The following PDK4 variants were observed in gnomAD, a reference collection of about 807,000 sequenced individuals.
PDK4 encodes the protein pyruvate dehydrogenase kinase 4.
Under a neutral mutation model 51.7 loss-of-function variants are expected in PDK4, and 43 were observed. That is an observed-to-expected ratio of 0.83 (90% CI 0.65 to 1.07). The LOEUF is 1.07. Among genes scored for constraint, PDK4 ranks in the 50% least tolerant of loss-of-function variants. PDK4 has a pLI of 0.00. For synonymous variants in PDK4, 170 were observed against 176.6 expected, an observed-to-expected ratio of 0.96 and a Z score of 0.30; for missense variants, 498 against 503.5, an observed-to-expected ratio of 0.99 and a Z score of 0.10.
At position 95,596,255 on chromosome 7, in the gene PDK4, CGA is replaced by C. The variant is rs922455731; in HGVS notation, c.37_38del (p.Ser13AlafsTer37). The C allele has an allele frequency of 8.2e-6, 13 of 1,590,902 alleles. No individual in the cohort carries two copies. In the African/African-American group the frequency reaches 1.8e-4, roughly 22 times the overall value. ...GGGGCACCAGGCCGGCGCCGTTGAG[CGA>C]GCCAGCGCTGCGCAGCACGAAGCGG... is the stretch of plus-strand genomic sequence containing the variant. ...AARFVLRSAG[S>X]LNGAGLVPRE... On this transcript the variant is annotated frameshift_variant, in exon 1 of 11. Transcript: ENST00000005178. LOFTEE classifies it high-confidence loss of function.
chr7:95,595,052 A>G lies in PDK4; in HGVS notation c.243T>C (p.Asn81=), dbSNP rs1376434166. 1 of 1,612,272 alleles carries G rather than the reference A, an allele frequency of 6.2e-7. No individual in the cohort carries two copies. The highest frequency in any genetic ancestry group is 8.5e-7 in the Non-Finnish European group (1 of 1,178,498). Residue 81 remains asparagine, a synonymous_variant, in exon 2 of 11, where the codon AAT becomes AAC. Coordinates refer to ENST00000005178, the MANE Select transcript of PDK4 (RefSeq NM_002612.4). The stretch of plus-strand genomic sequence containing the variant: ...TTTTAACCAATTGCACTGAAGAGGT[A>G]TTTACTAATTGGGTCGGGAGGATAT... The part of the protein sequence containing the change: ...EIDILPTQLV[N]TSSVQLVKSW...
rs865832303 is a variant in PDK4, at chr7:95,583,526, T to C, written c.*2115A>G. The C allele has an allele frequency of 6.6e-5, 10 of 152,276 alleles. 1 individual carries two copies. In the South Asian group the frequency reaches 1.2e-3, roughly 19 times the overall value. 9.4% of individuals were successfully genotyped at this position (152,276 alleles called of 1,614,324 possible). ...TTATCATCATAAAAAATATTTATTA[T>C]AAAAAATTATCACATTTCTCTGTAC... On this transcript the variant is annotated 3_prime_UTR_variant, in exon 11 of 11. Transcript: ENST00000005178.
chr7:95,594,688 T>C (rs1271114969), intron 2 of PDK4: 2 of 159,438 alleles, frequency 1.3e-5, no homozygotes, highest in East Asian at 1.7e-4. Context: ...TTTCTAGGCA[T>C]AGGATTTCTT....
Position 95,596,474 on chromosome 7 carries a change from C to CAG in PDK4, c.-183_-182dup, listed in dbSNP as rs1554358304. On this transcript the variant is annotated 5_prime_UTR_variant, in exon 1 of 11. Transcript: ENST00000005178. Reference sequence around the variant, plus strand: ...GGTGCCGCGGAGTGAAGAGTCTGGGCAGAGTCGGAGATGCAGTGGTTCGAG... The same window carrying CAG: ...GGTGCCGCGGAGTGAAGAGTCTGGGCAGAGAGTCGGAGATGCAGTGGTTCGAG... 0.15 allele frequency: 83,577 copies of CAG among 569,942 alleles called. 7,514 individuals carry two copies. The highest frequency in any genetic ancestry group is 0.31 in the African/African-American group (14,705 of 47,284). 35.3% of individuals were successfully genotyped at this position (569,942 alleles called of 1,614,324 possible). A position where few individuals can be genotyped will look rare whatever the true frequency, so the allele number is the denominator to read the frequency against.
chr7:95,593,720 T>C lies in PDK4; in HGVS notation c.323A>G (p.Asp108Gly), dbSNP rs1791580879. ...DLVEFHEKSP[D>G]DQKALSDFVD... ...TTACTCTGATAATGCTTTCTGGTCA[T>C]CTGGGCTTTTCTCATGGAATTCCAC... The change falls in exon 3 of 11, where the codon GAT becomes GGT. Residue 108 changes from aspartate to glycine, a missense_variant. Asp to Gly is a moderately conservative substitution (Grantham distance 94). Transcript: ENST00000005178. The C allele has an allele frequency of 1.9e-6, 3 of 1,550,428 alleles. No individual in the cohort carries two copies. Among genetic ancestry groups the C allele is most frequent in the South Asian group, 2.2e-5 (2 of 89,770 alleles).
rs771967689 is a variant in PDK4 at position 95,595,067 on chromosome 7, C to T, written c.228G>A (p.Pro76=). 15 of 1,611,896 alleles carry T rather than the reference C, an allele frequency of 9.3e-6. No individual in the cohort carries two copies. Among genetic ancestry groups the T allele is most frequent in the Admixed American group, 1.7e-5 (1 of 59,968 alleles). ...CTGAAGAGGTATTTACTAATTGGGT[C>T]GGGAGGATATCAATTTCCTTCAGAA... ...ANILKEIDIL[P]TQLVNTSSVQ... is the part of the protein sequence containing the mutation. Residue 76 remains proline, a synonymous_variant, in exon 2 of 11, where the codon CCG becomes CCA. Transcript: ENST00000005178.
rs56391840 is a variant in PDK4, at chr7:95,596,244, G to T, written c.50C>A (p.Ala17Asp). The change falls in exon 1 of 11, where the codon GCC becomes GAC. Residue 17 changes from alanine (A) to aspartate (D), a missense_variant. By Grantham distance (126) the Ala-to-Asp change is moderately radical (BLOSUM62 -2). Transcript: ENST00000005178. Reference protein sequence around the residue: ...VLRSAGSLNGAGLVPREVEHF... With the variant: ...VLRSAGSLNGDGLVPREVEHF... ...CTCCACCTCTCGGGGCACCAGGCCG[G>T]CGCCGTTGAGCGAGCCAGCGCTGCG... The T allele has an allele frequency of 1.3e-6, 2 of 1,595,770 alleles. No individual in the cohort carries two copies. Among genetic ancestry groups the T allele is most frequent in the African/African-American group, 1.4e-5 (1 of 73,758 alleles).
chr7:95,592,906 T>C lies in PDK4; in HGVS notation c.383A>G (p.His128Arg). The C allele has an allele frequency of 1.2e-6, 2 of 1,607,280 alleles. No individual in the cohort carries two copies. The highest frequency in any genetic ancestry group is 1.7e-6 in the Non-Finnish European group (2 of 1,176,354). Residue 128 changes from histidine (H) to arginine (R), a missense_variant, in exon 4 of 11, where the codon CAT (histidine) becomes CGT (arginine). His to Arg is a conservative substitution (Grantham distance 29). Transcript: ENST00000005178. ...TTGTGCCATTGTAGGGACTACATTA[T>C]GGTGTCTATTTCGAACTTTGATGAG... ...DTLIKVRNRH[H>R]NVVPTMAQGI...
chr7:95,586,418 C>T (rs1035984838), intron 10 of PDK4, among the ~76,000 whole-genome samples: 10 of 151,990 alleles, frequency 6.6e-5, no homozygotes, highest in African/African-American at 2.4e-4. Flanking sequence ...TGGTCTAGAA[C>T]CACTGAACTT....
intron 1 of PDK4, among the ~76,000 whole-genome samples, 168 bp from the exon 2 acceptor site, chr7:95,595,332 A>G (rs1167005732): frequency 6.6e-6 from 1 of 152,224 alleles, no homozygotes; most frequent in African/African-American, 2.4e-5. Flanking sequence ...TCCTTAATTG[A>G]CTAATTCCCT....
At chr7:95,594,906 C>T in intron 2 of PDK4, 117 bp downstream of exon 2, 1 of 570,684 alleles carries the variant, frequency 1.8e-6, no homozygotes. Flanking sequence ...TTACATCTTT[C>T]AAAAGTAGTT....
intron 7 of PDK4, among the ~76,000 whole-genome samples, chr7:95,588,168 G>A (rs1462281929): frequency 2.0e-5 from 3 of 151,970 alleles, no homozygotes; most frequent in Non-Finnish European, 2.9e-5. Flanking sequence ...TTTCTATTAC[G>A]TTTTACATCC....
In PDK4 at chr7:95,587,788, T is replaced by G. The variant is rs773695803; in HGVS notation, c.809A>C (p.Gln270Pro). Residue 270 changes from glutamine (Q) to proline (P), a missense_variant, in exon 8 of 11, where the codon CAG becomes CCG. Gln to Pro is a moderately conservative substitution (Grantham distance 76). Transcript: ENST00000005178. ...MRATVEHQENQPSLTPIEVIV... is the reference protein window; with the variant it reads ...MRATVEHQENPPSLTPIEVIV... ...AACCTCTATTGGTGTAAGGGAAGGCTGATTTTCCTGGTGTTCAACTGTTGC... is the reference window on the plus strand; with the variant it reads ...AACCTCTATTGGTGTAAGGGAAGGCGGATTTTCCTGGTGTTCAACTGTTGC... 2 of 1,613,490 alleles carry G rather than the reference T, an allele frequency of 1.2e-6. No individual in the cohort carries two copies. Among genetic ancestry groups the G allele is most frequent in the Non-Finnish European group, 1.7e-6 (2 of 1,179,536 alleles).
chr7:95,588,897 A>C (rs1791518386), intron 7 of PDK4, among the ~76,000 whole-genome samples: 2 of 152,228 alleles, frequency 1.3e-5, no homozygotes, highest in Admixed American at 6.5e-5. Flanking sequence ...TTAGAAATGC[A>C]CATTCTCAGA....
chr7:95,588,617 C>G (rs376080459), intron 7 of PDK4, among the ~76,000 whole-genome samples: 7 of 152,134 alleles, frequency 4.6e-5, no homozygotes, highest in African/African-American at 1.7e-4. Flanking sequence ...CAGTCAGTAC[C>G]TCACAGCAGT....
At chr7:95,592,404 G>T in intron 5 of PDK4, 107 bp downstream of exon 5, 1 of 720,838 alleles carries the variant, frequency 1.4e-6, no homozygotes, top group African/African-American at 1.8e-5. Context: ...AAAATAAATG[G>T]AACACTCTGT....
At position 95,592,045 on chromosome 7, in the gene PDK4, T is replaced by C; in HGVS notation, c.637A>G (p.Met213Val). The change falls in exon 6 of 11, where the codon ATG (methionine) becomes GTG (valine). Residue 213 changes from methionine (M) to valine (V), a missense_variant. Physicochemically the swap from Met to Val is conservative, Grantham distance 21 (BLOSUM62 1). Coordinates refer to ENST00000005178, the MANE Select transcript of PDK4 (RefSeq NM_002612.4). ...VVQDAFECSR[M>V]LCDQYYLSSP... ...GATAAATAATACTGATCACAGAGCATCCTTGAACACTCAAAGGCATCTGGA... is the reference window on the plus strand; with the variant it reads ...GATAAATAATACTGATCACAGAGCACCCTTGAACACTCAAAGGCATCTGGA... The C allele has an allele frequency of 6.3e-7, 1 of 1,585,474 alleles. No homozygotes were observed. Among genetic ancestry groups the C allele is most frequent in the African/African-American group, 1.4e-5 (1 of 73,522 alleles).
At chr7:95,592,203 A>T in intron 5 of PDK4, 138 bp from the exon 6 acceptor site, 1 of 446,272 alleles carries the variant, frequency 2.2e-6, no homozygotes, top group Non-Finnish European at 4.0e-6. Context: ...AATATATTTT[A>T]ATATTTTATT....
chr7:95,588,349 C>T (rs1466749761), intron 7 of PDK4, among the ~76,000 whole-genome samples: 2 of 152,170 alleles, frequency 1.3e-5, no homozygotes, highest in South Asian at 2.1e-4. Flanking sequence ...CCAATGATGG[C>T]AGAATAACTC....
Sources: allele counts gnomAD v4.1 joint callset (sites outside exome capture counted in the v4.1 genomes callset), GRCh38; gene constraint gnomAD v4.1.1; transcripts MANE v1.5; gene names NCBI Gene and HGNC (gene_info 2026-07-23, HGNC 2026-07-21).